The following CAMTA1 variants were observed in gnomAD, a reference collection of about 807,000 sequenced individuals.
The protein encoded by CAMTA1 is calmodulin-binding transcription activator 1.
CAMTA1 carries 27 observed loss-of-function variants against 170.9 expected under a neutral mutation model. That is an observed-to-expected ratio of 0.16 (90% CI 0.12 to 0.22). CAMTA1 has a LOEUF of 0.22. Among genes scored for constraint, CAMTA1 ranks in the 10% least tolerant of loss-of-function variants. The pLI is 1.00. For synonymous variants in CAMTA1, 833 were observed against 891.5 expected, an observed-to-expected ratio of 0.93 and a Z score of 1.17; for missense variants, 1,619 against 2,217.2, an observed-to-expected ratio of 0.73 and a Z score of 5.42.
intron 4 of CAMTA1, among the ~76,000 whole-genome samples, chr1:7,243,606 T>C (rs1574149604): frequency 6.6e-6 from 1 of 152,354 alleles, no homozygotes; most frequent in Non-Finnish European, 1.5e-5. Context: ...TTGGTACCAG[T>C]ACCATGCTGT....
intron 6 of CAMTA1, among the ~76,000 whole-genome samples, chr1:7,631,217 A>T (rs1482404555): frequency 1.3e-5 from 2 of 152,026 alleles, no homozygotes; most frequent in Non-Finnish European, 2.9e-5. Context: ...AGCTCCCCAC[A>T]CCTCACATGA....
At chr1:7,125,390 A>G (rs1419305222) in intron 4 of CAMTA1, among the ~76,000 whole-genome samples, 1 of 152,144 alleles carries the variant, frequency 6.6e-6, no homozygotes, top group Non-Finnish European at 1.5e-5. Flanking sequence ...GGGAGACAGA[A>G]GTAGATAGGA....
intron 11 of CAMTA1, among the ~76,000 whole-genome samples, chr1:7,714,142 CTAA>C (rs2096592038): frequency 6.6e-6 from 1 of 152,172 alleles, no homozygotes. Flanking sequence ...ACAGAAGAAA[CTAA>C]TGTGTTATTT....
At chr1:6,812,529 A>G (rs1368499588) in intron 1 of CAMTA1, among the ~76,000 whole-genome samples, 1 of 152,220 alleles carries the variant, frequency 6.6e-6, no homozygotes, top group African/African-American at 2.4e-5. Flanking sequence ...CTACTGAAAC[A>G]ATATCATTTT....
intron 3 of CAMTA1, among the ~76,000 whole-genome samples, chr1:7,013,176 T>C (rs1368160423): frequency 6.8e-6 from 1 of 147,158 alleles, no homozygotes; most frequent in Non-Finnish European, 1.5e-5. Context: ...CAGACCCTTC[T>C]ACCATTCTCC....
rs1389323975 is a variant in CAMTA1, at chr1:7,092,889, G to T, written c.302+1518G>T. 6.6e-6 allele frequency among the ~76,000 whole-genome samples: 1 copy of T among 152,184 alleles called. No individual in the cohort carries two copies. Among genetic ancestry groups the T allele is most frequent in the Non-Finnish European group, 1.5e-5 (1 of 68,032 alleles). On this transcript the variant is annotated intron_variant, in intron 4 of 22. Coordinates refer to ENST00000303635, the MANE Select transcript of CAMTA1 (RefSeq NM_015215.4). This position sits in a 1 kb window ranked among gnomAD's most constrained non-coding sequence, Gnocchi z 5.0. ...GGCTTACAAGCCCAAGGCAGTTGAT[G>T]CAGGTGCAGTTGAAACTCCTGCTCA...
chr1:7,257,251 A>G (rs570948781), intron 5 of CAMTA1, among the ~76,000 whole-genome samples: 13 of 152,208 alleles, frequency 8.5e-5, no homozygotes, highest in Non-Finnish European at 1.9e-4. Flanking sequence ...TATCTGCATC[A>G]TCTCATTCAG....
At chr1:7,119,532 C>T (rs1459326200) in intron 4 of CAMTA1, among the ~76,000 whole-genome samples, 2 of 152,010 alleles carry the variant, frequency 1.3e-5, no homozygotes, top group Non-Finnish European at 2.9e-5. Flanking sequence ...ACCCCTGAGC[C>T]GAAAACATAC....
intron 3 of CAMTA1, among the ~76,000 whole-genome samples, chr1:6,926,490 C>T (rs868734765): frequency 3.0e-3 from 267 of 88,568 alleles, no homozygotes; most frequent in Non-Finnish European, 4.1e-3. Context: ...CTTTCTTTCT[C>T]TCTCTCTTTT....
At chr1:6,820,335 C>G in intron 2 of CAMTA1, 85 bp downstream of exon 2, 1 of 1,399,370 alleles carries the variant, frequency 7.1e-7, no homozygotes, top group Non-Finnish European at 1.0e-6. Context: ...TGGAAACAGC[C>G]TTCAGCCCGG....
chr1:7,315,209 A>T (rs1677309721), intron 5 of CAMTA1, among the ~76,000 whole-genome samples: 1 of 152,156 alleles, frequency 6.6e-6, no homozygotes, highest in East Asian at 1.9e-4. Context: ...GCACCTTAGG[A>T]CTTTGTGCAG....
At chr1:6,895,999 C>G (rs1462480698) in intron 3 of CAMTA1, among the ~76,000 whole-genome samples, 2 of 152,260 alleles carry the variant, frequency 1.3e-5, no homozygotes, top group East Asian at 3.9e-4. Flanking sequence ...CTGCAAGTGC[C>G]TAGGTATCCA....
In CAMTA1 at chr1:7,062,636, A is replaced by G. The variant is rs142981910; in HGVS notation, c.235-28668A>G. Among the ~76,000 whole-genome samples the G allele has an allele frequency of 2.5e-3, 342 of 137,628 alleles. 1 individual carries two copies. Among genetic ancestry groups the G allele is most frequent in the African/African-American group, 9.4e-3 (325 of 34,484 alleles). The allele number at this position is 137,628 out of a possible 152,430, so 90.3% of individuals were successfully genotyped here. A position where few individuals can be genotyped will look rare whatever the true frequency, so the allele number is the denominator to read the frequency against. On this transcript the variant is annotated intron_variant, in intron 3 of 22. Transcript: ENST00000303635. Reference sequence around the variant, plus strand: ...GGCCCGGGTGTGGGGGCTGCAGAAGACGGAGGGTTGCAGGGCGTTCGTTTA... The same window carrying G: ...GGCCCGGGTGTGGGGGCTGCAGAAGGCGGAGGGTTGCAGGGCGTTCGTTTA...
chr1:7,370,914 C>CTTTTTTTTTTTTTTTTTTTT (rs61387662), intron 5 of CAMTA1, among the ~76,000 whole-genome samples: 10 of 110,008 alleles, frequency 9.1e-5, no homozygotes, highest in African/African-American at 1.4e-4. Flanking sequence ...TTCTTTCTTT[C>CTTTTTTTTTTTTTTTTTTTT]TTTTTTTTTT....
chr1:7,070,058 C>T (rs1006789111), intron 3 of CAMTA1, among the ~76,000 whole-genome samples: 4 of 152,172 alleles, frequency 2.6e-5, no homozygotes, highest in Non-Finnish European at 5.9e-5. Flanking sequence ...CCGCAGCTCC[C>T]TCGGAAGGAT....
At chr1:7,518,032 T>G (rs938753084) in intron 6 of CAMTA1, among the ~76,000 whole-genome samples, 6 of 151,946 alleles carry the variant, frequency 3.9e-5, no homozygotes, top group Non-Finnish European at 8.8e-5. Flanking sequence ...TCAGAGAAGC[T>G]TCTCCCACTG....
chr1:7,547,476 G>C lies in CAMTA1; in HGVS notation c.510+79575G>C, dbSNP rs2094712945. Among the ~76,000 whole-genome samples, 2 of 151,894 alleles carry C rather than the reference G, an allele frequency of 1.3e-5. No homozygotes were observed. Among genetic ancestry groups the C allele is most frequent in the South Asian group, 4.1e-4 (2 of 4,822 alleles). ...AATATCCAGGAAAAAAATTGCATTT[G>C]TACCAAACATATTTTTTTCTTATGA... On this transcript the variant is annotated intron_variant, in intron 6 of 22. Transcript: ENST00000303635. This position sits in a 1 kb window ranked among gnomAD's most constrained non-coding sequence, Gnocchi z 5.7.
At chr1:7,755,721 T>G in intron 22 of CAMTA1, 53 bp downstream of exon 22, 1 of 1,527,094 alleles carries the variant, frequency 6.5e-7, no homozygotes, top group South Asian at 1.1e-5. Context: ...TTTCAGTATT[T>G]TGCTTTTTGC....
chr1:7,602,411 C>T (rs1172038897), intron 6 of CAMTA1, among the ~76,000 whole-genome samples: 9 of 152,046 alleles, frequency 5.9e-5, no homozygotes, highest in Non-Finnish European at 1.5e-5. Flanking sequence ...GGAATTTATC[C>T]ATTTCTTCTA....
Sources: gnomAD v4.1 joint callset for allele counts (sites outside exome capture counted in the v4.1 genomes callset) on GRCh38, gnomAD v4.1.1 for gene constraint, Gnocchi (gnomAD v3.1) non-coding constraint, MANE v1.5 for transcripts, NCBI Gene and HGNC (gene_info 2026-07-23, HGNC 2026-07-21) for gene names.